ARB2A: variants seen among roughly 807,000 people sequenced by gnomAD.
ARB2A encodes ARB2 cotranscriptional regulator A, also known as cotranscriptional regulator ARB2A.
the ARB2A span, among the ~76,000 whole-genome samples, chr5:93,671,708 G>C: frequency 6.6e-6 from 1 of 151,822 alleles, no homozygotes; most frequent in Non-Finnish European, 1.5e-5. Context: ...CTAAAAAAGA[G>C]GATTGGAAAA....
the ARB2A span, among the ~76,000 whole-genome samples, chr5:93,871,662 A>G: frequency 6.6e-6 from 1 of 152,226 alleles, no homozygotes; most frequent in Non-Finnish European, 1.5e-5. Context: ...CAAAAATGCC[A>G]TATTTTTCAT....
At chr5:93,641,316 C>T in the ARB2A span, among the ~76,000 whole-genome samples, 1 of 151,630 alleles carries the variant, frequency 6.6e-6, no homozygotes, top group East Asian at 1.9e-4. Flanking sequence ...GGAATTATTT[C>T]CCAAAGAATC....
chr5:94,043,455 T>C, the ARB2A span, among the ~76,000 whole-genome samples: 1 of 152,240 alleles, frequency 6.6e-6, no homozygotes, highest in Non-Finnish European at 1.5e-5. Flanking sequence ...TACAGCAATA[T>C]AGTTATTTGC....
chr5:93,698,055 T>A, the ARB2A span, among the ~76,000 whole-genome samples: 1 of 151,946 alleles, frequency 6.6e-6, no homozygotes, highest in East Asian at 1.9e-4. Flanking sequence ...TTGGTAAGAG[T>A]GATTTTCAGA....
the ARB2A span, among the ~76,000 whole-genome samples, chr5:93,856,177 C>G: frequency 1.3e-5 from 2 of 152,122 alleles, no homozygotes; most frequent in African/African-American, 4.8e-5. Flanking sequence ...GATGGGCTTC[C>G]CTTTGTGGGT....
chr5:93,852,675 C>A, the ARB2A span, among the ~76,000 whole-genome samples: 1 of 152,140 alleles, frequency 6.6e-6, no homozygotes, highest in Non-Finnish European at 1.5e-5. Context: ...CTACATATGG[C>A]TAGCCAGTTT....
the ARB2A span, among the ~76,000 whole-genome samples, chr5:93,771,897 G>T: frequency 2.6e-5 from 4 of 152,220 alleles, no homozygotes; most frequent in African/African-American, 9.7e-5. Flanking sequence ...AGTCAGTGTG[G>T]TGATTCCTCA....
chr5:93,910,689 C>A, the ARB2A span: 1 of 151,396 alleles, frequency 6.6e-6, no homozygotes, highest in Non-Finnish European at 1.5e-5. Flanking sequence ...ATAACTAGCA[C>A]AAAAGCTCTT....
chr5:94,035,003 T>A, the ARB2A span, among the ~76,000 whole-genome samples: 1 of 152,032 alleles, frequency 6.6e-6, no homozygotes, highest in Non-Finnish European at 1.5e-5. Context: ...AACAGTTTCA[T>A]CCCAAAACAT....
the ARB2A span, among the ~76,000 whole-genome samples, chr5:93,704,571 C>A: frequency 2.0e-5 from 3 of 152,114 alleles, no homozygotes; most frequent in Admixed American, 6.5e-5. Context: ...CTCAAAACCA[C>A]CCCCCAAAAC....
chr5:93,675,913 A>G, the ARB2A span, among the ~76,000 whole-genome samples: 1 of 152,224 alleles, frequency 6.6e-6, no homozygotes, highest in Non-Finnish European at 1.5e-5. Flanking sequence ...ATCATTGCCC[A>G]TCTGCAAGCC....
At chr5:93,865,813 T>G in the ARB2A span, 13 of 985,298 alleles carry the variant, frequency 1.3e-5, 1 homozygote, top group Non-Finnish European at 1.6e-5. Context: ...GAGGAGTCAC[T>G]ACTTGCCGAA....
At chr5:94,027,819 G>A in the ARB2A span, among the ~76,000 whole-genome samples, 7 of 152,288 alleles carry the variant, frequency 4.6e-5, no homozygotes, top group South Asian at 1.2e-3. Flanking sequence ...CTGAAACTTG[G>A]GGTTGGTCAG....
chr5:93,662,861 A>G, the ARB2A span, among the ~76,000 whole-genome samples: 3 of 152,360 alleles, frequency 2.0e-5, no homozygotes, highest in African/African-American at 7.2e-5. Flanking sequence ...TTTGAAAAGA[A>G]CAGAAATTAT....
At chr5:93,803,745 T>C in the ARB2A span, among the ~76,000 whole-genome samples, 2 of 151,782 alleles carry the variant, frequency 1.3e-5, no homozygotes. Context: ...AAGCTTCCAT[T>C]TTTGGACATA....
the ARB2A span, among the ~76,000 whole-genome samples, chr5:93,923,743 A>G: frequency 6.6e-6 from 1 of 152,256 alleles, no homozygotes; most frequent in East Asian, 1.9e-4. Flanking sequence ...CAGGAGTTCA[A>G]GGTTACAATG....
the ARB2A span, among the ~76,000 whole-genome samples, chr5:93,871,233 G>T: frequency 1.3e-5 from 2 of 152,136 alleles, no homozygotes; most frequent in Non-Finnish European, 2.9e-5. Flanking sequence ...TAATGGGTAG[G>T]ATTTTTTTAT....
At chr5:94,093,947 AG>A in the ARB2A span, among the ~76,000 whole-genome samples, 1 of 152,184 alleles carries the variant, frequency 6.6e-6, no homozygotes, top group Non-Finnish European at 1.5e-5. Context: ...AAGGAAGAAA[AG>A]GGTGATGCCC....
At chr5:93,865,878 T>C in the ARB2A span, 1 of 985,180 alleles carries the variant, frequency 1.0e-6, no homozygotes, top group Non-Finnish European at 1.2e-6. Flanking sequence ...GGTTAAAAGG[T>C]AGGAAAAACA....
Sources: gnomAD v4.1 joint callset for allele counts (sites outside exome capture counted in the v4.1 genomes callset) on GRCh38, gnomAD v4.1.1 for gene constraint, MANE v1.5 for transcripts, NCBI Gene and HGNC (gene_info 2026-07-23, HGNC 2026-07-21) for gene names.